OPCML: variants seen among roughly 807,000 people sequenced by gnomAD.
The protein encoded by OPCML is opioid binding protein/cell adhesion molecule like, also known as opioid-binding protein/cell adhesion molecule.
Under a neutral mutation model 37.8 loss-of-function variants are expected in OPCML, and 13 were observed. The ratio of observed to expected loss-of-function variants is 0.34; its 90% CI spans 0.22 to 0.55. The LOEUF is 0.55. Among genes scored for constraint, OPCML ranks in the 20% least tolerant of loss-of-function variants. OPCML has a pLI of 0.91. For synonymous variants in OPCML, 176 were observed against 168.8 expected, an observed-to-expected ratio of 1.04 and a Z score of -0.33; for missense variants, 341 against 435.6, an observed-to-expected ratio of 0.78 and a Z score of 1.93.
intron 1 of OPCML, among the ~76,000 whole-genome samples, chr11:133,030,091 A>G (rs1947638089): frequency 1.3e-5 from 2 of 152,060 alleles, no homozygotes; most frequent in African/African-American, 2.4e-5. Flanking sequence ...CTGGGGAGAA[A>G]TGCCCTCTTC....
At chr11:132,851,284 T>C (rs1446791862) in intron 2 of OPCML, among the ~76,000 whole-genome samples, 1 of 152,224 alleles carries the variant, frequency 6.6e-6, no homozygotes, top group Non-Finnish European at 1.5e-5. Flanking sequence ...ATGAAGCACA[T>C]GCTATACCAC....
intron 2 of OPCML, among the ~76,000 whole-genome samples, chr11:132,668,467 G>A (rs1360557724): frequency 1.3e-5 from 2 of 152,140 alleles, no homozygotes; most frequent in South Asian, 2.1e-4. Flanking sequence ...TGGGATGAAC[G>A]TATTTTCCTC....
chr11:133,174,832 T>C lies in OPCML; in HGVS notation c.62-231822A>G, dbSNP rs1417633809. Among the ~76,000 whole-genome samples the C allele has an allele frequency of 6.6e-6, 1 of 152,162 alleles. No individual in the cohort carries two copies. The highest frequency in any genetic ancestry group is 2.4e-5 in the African/African-American group (1 of 41,452). On this transcript the variant is annotated intron_variant, in intron 1 of 7. Coordinates refer to ENST00000524381, the MANE Select transcript of OPCML (RefSeq NM_001012393.5). The surrounding 1 kb of genome is among the most constrained non-coding windows in gnomAD (Gnocchi z 4.6). ...TCGTGTGCACTAGAAAAAGAGTACT[T>C]TAAAATAACCTGTAATCCCAGCACT...
chr11:133,100,887 G>A (rs1287541068), intron 1 of OPCML, among the ~76,000 whole-genome samples: 2 of 152,186 alleles, frequency 1.3e-5, no homozygotes, highest in Non-Finnish European at 2.9e-5. Flanking sequence ...GAGAAGCCTA[G>A]ATGACCTTGG....
intron 1 of OPCML, among the ~76,000 whole-genome samples, chr11:133,460,990 T>C (rs1332610616): frequency 6.6e-6 from 1 of 151,896 alleles, no homozygotes; most frequent in Non-Finnish European, 1.5e-5. Flanking sequence ...AAAAAACACA[T>C]GATCATTTCA....
chr11:132,417,966 A>T lies in OPCML; in HGVS notation c.*2227T>A, dbSNP rs1396667624. On this transcript the variant is annotated 3_prime_UTR_variant, in exon 8 of 8. Transcript: ENST00000524381. The stretch of plus-strand genomic sequence containing the variant: ...ATGTCTGTTTACAGCTGGAAAATGT[A>T]ACATTAATTTCACTCACACCAGCTC... The T allele has an allele frequency of 6.6e-6, 1 of 152,232 alleles. No individual in the cohort carries two copies. Among genetic ancestry groups the T allele is most frequent in the Non-Finnish European group, 1.5e-5 (1 of 68,038 alleles). 9.4% of individuals were successfully genotyped at this position (152,232 alleles called of 1,614,324 possible). A position where few individuals can be genotyped will look rare whatever the true frequency, so the allele number is the denominator to read the frequency against.
At chr11:132,623,674 C>A (rs1442051269) in intron 3 of OPCML, among the ~76,000 whole-genome samples, 1 of 152,130 alleles carries the variant, frequency 6.6e-6, no homozygotes, top group Admixed American at 6.6e-5. Flanking sequence ...GCAGGCATGG[C>A]CCAAGGCTGC....
intron 1 of OPCML, among the ~76,000 whole-genome samples, chr11:133,269,745 T>A (rs1455409241): frequency 6.6e-6 from 1 of 152,152 alleles, no homozygotes; most frequent in East Asian, 1.9e-4. Flanking sequence ...CAGCAAACCA[T>A]CTCTCTAACT....
chr11:133,085,667 A>G (rs138480124), intron 1 of OPCML, among the ~76,000 whole-genome samples: 1 of 152,356 alleles, frequency 6.6e-6, no homozygotes, highest in East Asian at 1.9e-4. Flanking sequence ...ATGTAACAGA[A>G]TGTTACATGA....
chr11:133,144,268 T>A (rs1177169394), intron 1 of OPCML, among the ~76,000 whole-genome samples: 2 of 152,230 alleles, frequency 1.3e-5, no homozygotes, highest in Admixed American at 1.3e-4. Flanking sequence ...CATGCGACCA[T>A]GGCACTCCCT....
In OPCML at chr11:133,395,596, G is replaced by A. The variant is rs149863346; in HGVS notation, c.61+136668C>T. On this transcript the variant is annotated intron_variant, in intron 1 of 7. Coordinates refer to ENST00000524381, the MANE Select transcript of OPCML (RefSeq NM_001012393.5). ...TGGCAAGAGATAGTTTCACTCTTCT[G>A]CATATGGATATCCAGTTTTCCCAGT... Among the ~76,000 whole-genome samples the A allele has an allele frequency of 1.3e-3, 195 of 152,216 alleles. 1 individual carries two copies. Among genetic ancestry groups the A allele is most frequent in the African/African-American group, 4.6e-3 (193 of 41,554 alleles).
chr11:132,924,123 A>T (rs967395944), intron 2 of OPCML, among the ~76,000 whole-genome samples: 3 of 92,410 alleles, frequency 3.2e-5, no homozygotes, highest in African/African-American at 1.5e-4. Flanking sequence ...GAGGAAAAAA[A>T]ACTATGTGTG....
chr11:132,422,579 T>A (rs1326271228), intron 7 of OPCML, among the ~76,000 whole-genome samples: 1 of 152,196 alleles, frequency 6.6e-6, no homozygotes, highest in Non-Finnish European at 1.5e-5. Flanking sequence ...CACACCGTGC[T>A]CTCCACGTGG....
At chr11:133,063,397 A>G (rs1266372468) in intron 1 of OPCML, among the ~76,000 whole-genome samples, 1 of 152,180 alleles carries the variant, frequency 6.6e-6, no homozygotes, top group Non-Finnish European at 1.5e-5. Context: ...AAAAGGTCCC[A>G]GGGAGCCACA....
At chr11:133,481,371 G>A (rs1947366609) in intron 1 of OPCML, among the ~76,000 whole-genome samples, 1 of 151,978 alleles carries the variant, frequency 6.6e-6, no homozygotes, top group Non-Finnish European at 1.5e-5. Flanking sequence ...TGGCCACACA[G>A]CTTCCCAGGG....
chr11:133,338,683 T>C (rs543219090), intron 1 of OPCML, among the ~76,000 whole-genome samples: 139 of 152,292 alleles, frequency 9.1e-4, no homozygotes, highest in African/African-American at 3.3e-3. Flanking sequence ...AGGTGCCTCA[T>C]TCTAGCCTGC....
At chr11:132,743,685 C>A (rs1248871038) in intron 2 of OPCML, among the ~76,000 whole-genome samples, 3 of 152,178 alleles carry the variant, frequency 2.0e-5, no homozygotes. Flanking sequence ...ATTAATCAAG[C>A]CTGCTGGTGT....
At chr11:133,338,190 G>A (rs1295015833) in intron 1 of OPCML, among the ~76,000 whole-genome samples, 3 of 152,168 alleles carry the variant, frequency 2.0e-5, no homozygotes, top group African/African-American at 7.2e-5. Flanking sequence ...ATGACAGCCT[G>A]TGAGTGCTGC....
chr11:132,941,091 T>C (rs1945561917), intron 2 of OPCML, among the ~76,000 whole-genome samples: 1 of 152,238 alleles, frequency 6.6e-6, no homozygotes, highest in African/African-American at 2.4e-5. Flanking sequence ...GTTCTTTTTT[T>C]CTGCAAAGAA....
Sources: allele counts gnomAD v4.1 joint callset (sites outside exome capture counted in the v4.1 genomes callset), GRCh38; gene constraint gnomAD v4.1.1; non-coding constraint Gnocchi (gnomAD v3.1); transcripts MANE v1.5; gene names NCBI Gene and HGNC (gene_info 2026-07-23, HGNC 2026-07-21).